ADCYAP1R1: variants seen among roughly 807,000 people sequenced by gnomAD.
ADCYAP1R1 encodes the protein ADCYAP receptor type I.
In ADCYAP1R1, 44 loss-of-function variants were observed where a neutral mutation model predicts 67.6. The ratio of observed to expected loss-of-function variants is 0.65; its 90% CI spans 0.51 to 0.84. The LOEUF (loss-of-function observed/expected upper bound fraction) is 0.84. ADCYAP1R1 is among the 40% of genes least tolerant of loss of function. The pLI is 0.00. For synonymous variants in ADCYAP1R1, 222 were observed against 219.6 expected (o/e 1.01, Z -0.10); for missense variants, 477 against 587.9 (o/e 0.81, Z 1.95).
intron 11 of ADCYAP1R1, 127 bp downstream of exon 11, chr7:31,087,130 GC>G: frequency 8.9e-7 from 1 of 1,117,846 alleles, no homozygotes; most frequent in Non-Finnish European, 1.3e-6. Flanking sequence ...CCAGACTAAA[GC>G]CCAGCACTGG....
rs1795739229 is a variant in ADCYAP1R1 at position 31,086,293 on chromosome 7, T to C, written c.670-91T>C. 1.5e-6 allele frequency: 2 copies of C among 1,335,674 alleles called. No individual in the cohort carries two copies. Among genetic ancestry groups the C allele is most frequent in the African/African-American group, 2.9e-5 (2 of 68,410 alleles). 82.7% of individuals were successfully genotyped at this position (1,335,674 alleles called of 1,614,324 possible). On this transcript the variant is annotated intron_variant, in intron 9 of 15. Transcript: ENST00000304166. The surrounding 1 kb of genome is among the most constrained non-coding windows in gnomAD (Gnocchi z 5.0). ...CTTAGATCCTTGGGATGTTTGAACC[T>C]GAGCATGCCAGAGCCAACGGGCCCT...
intron 13 of ADCYAP1R1, 139 bp downstream of exon 13, chr7:31,092,874 GA>G: frequency 3.1e-6 from 2 of 638,632 alleles, no homozygotes; most frequent in Non-Finnish European, 5.3e-6. Flanking sequence ...TCTGATTAAA[GA>G]GCCTTTAATA....
chr7:31,087,851 C>T (rs996748763), intron 12 of ADCYAP1R1, among the ~76,000 whole-genome samples, 155 bp downstream of exon 12: 2 of 152,238 alleles, frequency 1.3e-5, no homozygotes, highest in African/African-American at 4.8e-5. Context: ...AACTCTTTAG[C>T]TATTCCCCTA....
chr7:31,055,900 T>C (rs1014067332), intron 1 of ADCYAP1R1, among the ~76,000 whole-genome samples: 3 of 152,186 alleles, frequency 2.0e-5, no homozygotes, highest in African/African-American at 7.2e-5. Context: ...CTCCCCCAGA[T>C]TGGCCTCTGC....
intron 12 of ADCYAP1R1, 29 bp from the exon 13 acceptor site, chr7:31,092,615 C>T (rs1399350013): frequency 4.0e-6 from 6 of 1,514,874 alleles, no homozygotes; most frequent in African/African-American, 1.4e-5. Flanking sequence ...GAATCATGTC[C>T]ATCTGCTTTT....
In ADCYAP1R1 at chr7:31,060,559, A is replaced by G. The variant is rs867937279; in HGVS notation, c.-71-2635A>G. Among the ~76,000 whole-genome samples, 3 of 151,860 alleles carry G rather than the reference A, an allele frequency of 2.0e-5. No individual in the cohort carries two copies. The South Asian group carries it at 6.2e-4, about 32-fold the overall frequency. On this transcript the variant is annotated intron_variant, in intron 1 of 15. Coordinates refer to ENST00000304166, the MANE Select transcript of ADCYAP1R1 (RefSeq NM_001118.5). ...CCCTGAAGGAATCTCCACCTTGTGT[A>G]TCCCCATCATGGGAGTTTGTATTGA... is the stretch of plus-strand genomic sequence containing the variant.
chr7:31,093,407 C>T (rs1796050292), intron 13 of ADCYAP1R1, among the ~76,000 whole-genome samples: 1 of 152,218 alleles, frequency 6.6e-6, no homozygotes. Flanking sequence ...AGAAGTATTT[C>T]TGCAGTCATG....
In ADCYAP1R1 at chr7:31,078,041, G is replaced by A; in HGVS notation, c.208G>A (p.Gly70Ser). ...CACGTGTTGGAAGCCCGCCCATGTG[G>A]GTGAGATGGTCCTGGTCAGCTGCCC... ...NITCWKPAHV[G>S]EMVLVSCPEL... Residue 70 changes from glycine (G) to serine (S), a missense_variant, in exon 4 of 16, where the codon GGT becomes AGT. By Grantham distance (56) the Gly-to-Ser change is moderately conservative (BLOSUM62 0). Transcript: ENST00000304166. 1.2e-6 allele frequency: 2 copies of A among 1,613,362 alleles called. No individual in the cohort carries two copies. Among genetic ancestry groups the A allele is most frequent in the Non-Finnish European group, 1.7e-6 (2 of 1,179,582 alleles).
chr7:31,078,417 G>T (rs758272490), intron 4 of ADCYAP1R1, among the ~76,000 whole-genome samples: 1 of 152,218 alleles, frequency 6.6e-6, no homozygotes. Flanking sequence ...GGGTGCTTCT[G>T]TGAGGGTAAT....
chr7:31,082,208 G>C (rs993218789), intron 6 of ADCYAP1R1, among the ~76,000 whole-genome samples: 1 of 152,196 alleles, frequency 6.6e-6, no homozygotes, highest in Non-Finnish European at 1.5e-5. Flanking sequence ...GGGCTGATCC[G>C]GGACGGGCAC....
At chr7:31,099,573 C>T (rs1312562599) in intron 13 of ADCYAP1R1, among the ~76,000 whole-genome samples, 5 of 152,158 alleles carry the variant, frequency 3.3e-5, no homozygotes, top group Admixed American at 1.3e-4. Flanking sequence ...GGGGGGCTCA[C>T]AGGGAGGAAG....
chr7:31,096,948 G>A (rs1384342979), intron 13 of ADCYAP1R1, among the ~76,000 whole-genome samples: 3 of 152,214 alleles, frequency 2.0e-5, no homozygotes, highest in East Asian at 1.9e-4. Context: ...TCTGTCTAGC[G>A]TTCCTCTGGG....
In ADCYAP1R1 at chr7:31,056,758, C is replaced by T. The variant is rs1001135549; in HGVS notation, c.-72+4080C>T. The stretch of plus-strand genomic sequence containing the variant: ...TCTAAATGAGAAGCTGATCACTCCA[C>T]TCCATTGCTTAGAACTCTTCATTGC... On this transcript the variant is annotated intron_variant, in intron 1 of 15. Transcript: ENST00000304166. 3.9e-5 allele frequency among the ~76,000 whole-genome samples: 6 copies of T among 152,238 alleles called. No homozygotes were observed. The South Asian group carries it at 8.3e-4, about 21-fold the overall frequency.
At position 31,092,502 on chromosome 7, in the gene ADCYAP1R1, A is replaced by G. The variant is rs1245825971; in HGVS notation, c.955-142A>G. ...AATGATACTGTGGGAGGCTGGAGAGATAAATGGGAATTATCACACCGCCAT... is the reference window on the plus strand; with the variant it reads ...AATGATACTGTGGGAGGCTGGAGAGGTAAATGGGAATTATCACACCGCCAT... On this transcript the variant is annotated intron_variant, in intron 12 of 15. Transcript: ENST00000304166. 1.2e-5 allele frequency: 8 copies of G among 667,318 alleles called. No homozygotes were observed. In the East Asian group the frequency reaches 2.2e-4, roughly 18 times the overall value. 41.3% of individuals were successfully genotyped at this position (667,318 alleles called of 1,614,324 possible).
At position 31,111,396 on chromosome 7, in the gene ADCYAP1R1, T is replaced by C. The variant is rs1386550738; in HGVS notation, c.*4712T>C. 6.6e-6 allele frequency: 1 copy of C among 152,234 alleles called. No homozygotes were observed. The highest frequency in any genetic ancestry group is 6.5e-5 in the Admixed American group (1 of 15,282). The allele number at this position is 152,234 out of a possible 1,614,324, so 9.4% of individuals were successfully genotyped here. On this transcript the variant is annotated 3_prime_UTR_variant, in exon 16 of 16. Transcript: ENST00000304166. ...TTACTGCTACTGCTGCTGCCATTAATGCTGTGCTCACTATCTTGTCCAGGA... is the reference window on the plus strand; with the variant it reads ...TTACTGCTACTGCTGCTGCCATTAACGCTGTGCTCACTATCTTGTCCAGGA...
chr7:31,105,995 CCT>C (rs1002087083), intron 15 of ADCYAP1R1, among the ~76,000 whole-genome samples: 1 of 152,158 alleles, frequency 6.6e-6, no homozygotes, highest in Non-Finnish European at 1.5e-5. Flanking sequence ...GGTTCTCAAC[CCT>C]GACTGGGAAG....
At chr7:31,061,717 T>G (rs368132709) in intron 1 of ADCYAP1R1, among the ~76,000 whole-genome samples, 22 of 152,290 alleles carry the variant, frequency 1.4e-4, no homozygotes, top group African/African-American at 5.3e-4. Flanking sequence ...GATGCCTGCT[T>G]ATCTCCAGCT....
Position 31,100,052 on chromosome 7 carries a change from C to T in ADCYAP1R1, c.1047-3185C>T, listed in dbSNP as rs1037669006. 14 of 1,428,738 alleles carry T rather than the reference C, an allele frequency of 9.8e-6. 1 individual carries two copies. The South Asian group carries it at 1.6e-4, about 16-fold the overall frequency. The allele number at this position is 1,428,738 out of a possible 1,614,324, so 88.5% of individuals were successfully genotyped here. On this transcript the variant is annotated intron_variant, in intron 13 of 15. Transcript: ENST00000304166. ...TGTCTCCATACCCTCCTCTTTTCTG[C>T]TTTCCCTGTAAACTGAGTTTCTTCA...
At chr7:31,092,378 C>G (rs118170544) in intron 12 of ADCYAP1R1, among the ~76,000 whole-genome samples, 76 of 152,102 alleles carry the variant, frequency 5.0e-4, no homozygotes, top group African/African-American at 1.7e-3. Flanking sequence ...TTCTCTTTCT[C>G]TTTTAGAAAT....
Sources: gnomAD v4.1 joint callset for allele counts (sites outside exome capture counted in the v4.1 genomes callset) on GRCh38, gnomAD v4.1.1 for gene constraint, Gnocchi (gnomAD v3.1) non-coding constraint, MANE v1.5 for transcripts, NCBI Gene and HGNC (gene_info 2026-07-23, HGNC 2026-07-21) for gene names.